The following DKK4 variants were observed in gnomAD, a reference collection of about 807,000 sequenced individuals.
DKK4 encodes dickkopf-related protein 4.
A neutral mutation model predicts 14.5 loss-of-function variants in DKK4; 15 were observed. The ratio of observed to expected loss-of-function variants is 1.03; its 90% confidence interval spans 0.69 to 1.59. The LOEUF is 1.59. Among genes scored for constraint, DKK4 ranks in the 40% most tolerant of loss-of-function variants. The pLI is 0.00. For missense variants in DKK4, 272 were observed against 280.3 expected, an observed-to-expected ratio of 0.97 and a Z score of 0.21; for synonymous variants, 89 against 105.2, an observed-to-expected ratio of 0.85 and a Z score of 0.94.
chr8:42,377,364 A>G (rs1824585160), upstream of DKK4: 1 of 263,056 alleles, frequency 3.8e-6, no homozygotes. Flanking sequence ...CAAGGACTCA[A>G]TAGAAGGAGA....
At position 42,375,734 on chromosome 8, in the gene DKK4, G is replaced by A. The variant is rs770888126; in HGVS notation, c.208C>T (p.Arg70Trp). The A allele has an allele frequency of 1.5e-5, 25 of 1,613,830 alleles. No homozygotes were observed. The highest frequency in any genetic ancestry group is 3.3e-5 in the Admixed American group (2 of 59,980). Residue 70 changes from arginine (R) to tryptophan (W), a missense_variant, in exon 2 of 4, where the codon CGG (arginine) becomes TGG (tryptophan). Coordinates refer to ENST00000220812, the MANE Select transcript of DKK4 (RefSeq NM_014420.3). ...ATGGCATCTCGCTGGCACCTCCTCC[G>A]CAACCCACGACATGTAGCACAGAAC... Reference protein sequence around the residue: ...KPFCATCRGLRRRCQRDAMCC... With the variant: ...KPFCATCRGLWRRCQRDAMCC...
At chr8:42,390,818 C>G in the DKK4 span, among the ~76,000 whole-genome samples, 2 of 152,206 alleles carry the variant, frequency 1.3e-5, no homozygotes, top group Non-Finnish European at 2.9e-5. Flanking sequence ...CTGTGTCCCT[C>G]TCTGTGCCTC....
chr8:42,381,889 T>C (rs10097601), upstream of DKK4, among the ~76,000 whole-genome samples: 29,263 of 152,014 alleles, frequency 0.19, 7,036 homozygotes, highest in African/African-American at 0.57. Flanking sequence ...CCCAGTTACT[T>C]GGGAGGCTGA....
At chr8:42,379,378 T>TATATATAG (rs1166847600), upstream of DKK4, among the ~76,000 whole-genome samples, 13 of 34,556 alleles carry the variant, frequency 3.8e-4, no homozygotes, top group African/African-American at 1.0e-3. Context: ...TATATATATA[T>TATATATAG]AGAGAGAGAG....
the DKK4 span, among the ~76,000 whole-genome samples, chr8:42,382,881 C>T: frequency 2.0e-5 from 3 of 152,182 alleles, no homozygotes; most frequent in South Asian, 2.1e-4. Flanking sequence ...ATTGCAGACT[C>T]GTGTTTGAGA....
chr8:42,374,811 T>G lies in DKK4; in HGVS notation c.365A>C (p.Glu122Ala), dbSNP rs771235482. 1.2e-5 allele frequency: 19 copies of G among 1,614,254 alleles called. No individual in the cohort carries two copies. The highest frequency in any genetic ancestry group is 1.6e-5 in the Non-Finnish European group (19 of 1,180,046). ...AEGTTGHPVQ[E>A]NQPKRKPSIK... ...ACTTGGCTTCCTTTTGGGTTGGTTT[T>G]CCTGGACTGGGTGCCCAGTTGTTCC... The change falls in exon 3 of 4, where the codon GAA becomes GCA. Residue 122 changes from glutamate to alanine, a missense_variant. Physicochemically the swap from Glu to Ala is moderately radical, Grantham distance 107. Transcript: ENST00000220812.
intron 2 of DKK4, 30 bp downstream of exon 2, chr8:42,375,650 A>G (rs762906599): frequency 1.2e-5 from 19 of 1,611,932 alleles, no homozygotes; most frequent in Admixed American, 3.3e-5. Context: ...CCTTCGGTTT[A>G]AAAACCACTG....
At chr8:42,382,872 T>C in the DKK4 span, among the ~76,000 whole-genome samples, 3 of 152,140 alleles carry the variant, frequency 2.0e-5, no homozygotes, top group African/African-American at 4.8e-5. Flanking sequence ...TGGGTAAAAA[T>C]TGCAGACTCG....
chr8:42,391,207 C>T, the DKK4 span, among the ~76,000 whole-genome samples: 7 of 151,980 alleles, frequency 4.6e-5, no homozygotes, highest in Non-Finnish European at 1.0e-4. Context: ...GAGTGACACT[C>T]TTGAAGTCTG....
chr8:42,384,578 T>C, the DKK4 span, among the ~76,000 whole-genome samples: 1 of 152,260 alleles, frequency 6.6e-6, no homozygotes, highest in East Asian at 1.9e-4. Context: ...ACCTTGAGTG[T>C]CGTCCAGGCC....
upstream of DKK4, among the ~76,000 whole-genome samples, chr8:42,378,623 C>A (rs943183942): frequency 1.3e-5 from 2 of 152,120 alleles, no homozygotes; most frequent in African/African-American, 4.8e-5. Flanking sequence ...CCCCAGGGTT[C>A]TGTCTCTGCC....
chr8:42,390,628 G>C, the DKK4 span, among the ~76,000 whole-genome samples: 1 of 152,078 alleles, frequency 6.6e-6, no homozygotes, highest in African/African-American at 2.4e-5. Flanking sequence ...CTCCCAAAGT[G>C]CTGGGATTAC....
At chr8:42,377,458 G>T (rs767732398), upstream of DKK4, among the ~76,000 whole-genome samples, 3 of 152,118 alleles carry the variant, frequency 2.0e-5, no homozygotes, top group African/African-American at 7.2e-5. Flanking sequence ...AAAGGGCCAC[G>T]GCAGAGCAGG....
upstream of DKK4, among the ~76,000 whole-genome samples, chr8:42,380,680 GAAAA>G (rs959877125): frequency 7.7e-6 from 1 of 130,438 alleles, no homozygotes; most frequent in Non-Finnish European, 1.6e-5. Flanking sequence ...GAAAGAGAAA[GAAAA>G]GAAAAGAAAA....
intron 2 of DKK4, among the ~76,000 whole-genome samples, chr8:42,375,154 TTGAA>T (rs1189939965): frequency 6.6e-6 from 1 of 152,194 alleles, no homozygotes; most frequent in African/African-American, 2.4e-5. Flanking sequence ...ATGGAAGTAT[TTGAA>T]TGATTACAAC....
chr8:42,381,064 C>G (rs1288192207), upstream of DKK4, among the ~76,000 whole-genome samples: 2 of 151,886 alleles, frequency 1.3e-5, no homozygotes, highest in South Asian at 4.2e-4. Context: ...GGTTGGGGGC[C>G]ACTTAGGACT....
the DKK4 span, among the ~76,000 whole-genome samples, chr8:42,385,425 CAAATT>C: frequency 6.6e-6 from 1 of 152,054 alleles, no homozygotes; most frequent in East Asian, 1.9e-4. Flanking sequence ...AAACGATACA[CAAATT>C]AGATTCTGAC....
upstream of DKK4, among the ~76,000 whole-genome samples, chr8:42,381,254 T>G (rs892556632): frequency 6.6e-6 from 1 of 151,472 alleles, no homozygotes; most frequent in Non-Finnish European, 1.5e-5. Flanking sequence ...GTGCACTGGG[T>G]GGGTAGAGGT....
chr8:42,375,595 G>A, intron 2 of DKK4, 85 bp downstream of exon 2: 3 of 1,520,808 alleles, frequency 2.0e-6, no homozygotes, highest in Non-Finnish European at 1.8e-6. Context: ...CACCATTAGA[G>A]AGTGCCTACC....
Sources: allele counts gnomAD v4.1 joint callset (sites outside exome capture counted in the v4.1 genomes callset), GRCh38; gene constraint gnomAD v4.1.1; transcripts MANE v1.5; gene names NCBI Gene and HGNC (gene_info 2026-07-23, HGNC 2026-07-21).